The following DNAH8 variants were observed in gnomAD, a reference collection of about 807,000 sequenced individuals.
The protein encoded by DNAH8 is axonemal beta dynein heavy chain 8.
DNAH8 carries 382 observed loss-of-function variants against 562.1 expected under a neutral mutation model. That is an observed-to-expected ratio of 0.68 (90% CI 0.63 to 0.74). The LOEUF (loss-of-function observed/expected upper bound fraction) is 0.74, where lower values mean the gene tolerates loss of function less well. Among genes scored for constraint, DNAH8 ranks in the 30% least tolerant of loss-of-function variants. The pLI is 0.00. For missense variants in DNAH8, 5,203 were observed against 5,620.4 expected (o/e 0.93, Z 2.37); for synonymous variants, 1,881 against 1,919.4 (o/e 0.98, Z 0.52).
At chr6:39,028,657 A>G (rs1296026358) in intron 92 of DNAH8, among the ~76,000 whole-genome samples, 6 of 152,218 alleles carry the variant, frequency 3.9e-5, no homozygotes, top group Admixed American at 2.6e-4. Context: ...GGGTGACACT[A>G]TTCTATCTAC....
chr6:39,019,495 T>C (rs929944184), intron 91 of DNAH8, among the ~76,000 whole-genome samples: 1 of 152,132 alleles, frequency 6.6e-6, no homozygotes, highest in East Asian at 1.9e-4. Flanking sequence ...ATAAGTGGCC[T>C]TGAGAATTCT....
At chr6:39,014,699 T>C (rs1458900169) in intron 91 of DNAH8, among the ~76,000 whole-genome samples, 3 of 152,258 alleles carry the variant, frequency 2.0e-5, no homozygotes, top group East Asian at 1.9e-4. Flanking sequence ...GCGGGTGCTT[T>C]CCAGGTAGAG....
intron 88 of DNAH8, among the ~76,000 whole-genome samples, chr6:38,999,002 T>C (rs1222621794): frequency 6.6e-6 from 1 of 152,180 alleles, no homozygotes; most frequent in South Asian, 2.1e-4. Context: ...GAAAAAGAAA[T>C]GTGAGTTGTT....
intron 82 of DNAH8, among the ~76,000 whole-genome samples, chr6:38,970,217 C>CT (rs2150686341): frequency 6.6e-6 from 1 of 152,286 alleles, no homozygotes; most frequent in East Asian, 1.9e-4. Context: ...GAGCCTATCA[C>CT]TTTCCCTCAT....
rs1221945637 is a variant in DNAH8, at chr6:38,853,166, T to C, written c.5572-20T>C. ...GCCAAATTATTATCAATTTATAATA[T>C]CCTTGTAATTTTGTTTTAGTTGGAT... On this transcript the variant is annotated intron_variant, in intron 40 of 92. Transcript: ENST00000327475. 1 of 1,580,852 alleles carries C rather than the reference T, an allele frequency of 6.3e-7. No homozygotes were observed. The highest frequency in any genetic ancestry group is 8.6e-7 in the Non-Finnish European group (1 of 1,164,046).
At chr6:38,982,597 A>G (rs779310620) in intron 86 of DNAH8, 135 bp downstream of exon 86, 123 of 595,642 alleles carry the variant, frequency 2.1e-4, no homozygotes, top group Non-Finnish European at 3.2e-4. Context: ...TTGTTGCTGT[A>G]ATCAGGCACT....
At chr6:38,967,373 C>T (rs529520547) in intron 82 of DNAH8, among the ~76,000 whole-genome samples, 114 of 151,208 alleles carry the variant, frequency 7.5e-4, no homozygotes, top group African/African-American at 2.7e-3. Context: ...TGAATTTGTG[C>T]ATAAAAAATT....
intron 88 of DNAH8, among the ~76,000 whole-genome samples, chr6:39,008,395 A>T (rs981482430): frequency 1.3e-5 from 2 of 152,150 alleles, no homozygotes; most frequent in Non-Finnish European, 2.9e-5. Context: ...TCAGTGAGGA[A>T]ATATGAATGT....
At chr6:38,718,086 T>A (rs1003973993) in intron 1 of DNAH8, among the ~76,000 whole-genome samples, 1 of 152,190 alleles carries the variant, frequency 6.6e-6, no homozygotes, top group Non-Finnish European at 1.5e-5. Context: ...TCGCTAATGA[T>A]GCATTAAAAT....
intron 49 of DNAH8, among the ~76,000 whole-genome samples, chr6:38,871,249 G>A (rs1777447636): frequency 6.6e-6 from 1 of 152,136 alleles, no homozygotes; most frequent in Admixed American, 6.6e-5. Flanking sequence ...TTAACTTACT[G>A]TTCTTGCCAG....
chr6:38,993,494 G>A (rs1764928975), intron 88 of DNAH8, among the ~76,000 whole-genome samples: 1 of 152,070 alleles, frequency 6.6e-6, no homozygotes, highest in Non-Finnish European at 1.5e-5. Flanking sequence ...TATGAACATG[G>A]TTCAAAAGTT....
intron 91 of DNAH8, among the ~76,000 whole-genome samples, chr6:39,021,814 T>G (rs1766934809): frequency 6.6e-6 from 1 of 152,254 alleles, no homozygotes; most frequent in South Asian, 2.1e-4. Flanking sequence ...ATGTTGCTTA[T>G]TTTTAGTGTA....
chr6:38,817,377 C>G (rs1391340453), intron 26 of DNAH8, among the ~76,000 whole-genome samples: 1 of 152,140 alleles, frequency 6.6e-6, no homozygotes, highest in African/African-American at 2.4e-5. Context: ...CCCAAGATAC[C>G]AGGTAAGCTA....
chr6:38,869,408 C>T (rs1245750285), intron 48 of DNAH8, among the ~76,000 whole-genome samples: 1 of 152,082 alleles, frequency 6.6e-6, no homozygotes, highest in Admixed American at 6.5e-5. Flanking sequence ...CCCTAAGTCA[C>T]CCAGGCTGGA....
intron 5 of DNAH8, among the ~76,000 whole-genome samples, chr6:38,736,235 G>A (rs895344583): frequency 1.3e-5 from 2 of 152,016 alleles, no homozygotes; most frequent in Admixed American, 6.6e-5. Flanking sequence ...TTCTTCCAAC[G>A]TAGTTATATT....
intron 48 of DNAH8, among the ~76,000 whole-genome samples, chr6:38,870,121 C>G (rs1777354961): frequency 1.3e-5 from 2 of 152,090 alleles, no homozygotes; most frequent in Admixed American, 6.5e-5. Flanking sequence ...ATAAGAACAG[C>G]AGGGAAAGAC....
intron 1 of DNAH8, 87 bp from the exon 2 acceptor site, chr6:38,722,689 G>C (rs1486302195): frequency 4.6e-6 from 5 of 1,095,164 alleles, no homozygotes; most frequent in African/African-American, 1.6e-5. Context: ...TAATGATTTT[G>C]CTACTTGTCT....
intron 67 of DNAH8, among the ~76,000 whole-genome samples, chr6:38,914,364 A>G (rs1781130836): frequency 7.0e-6 from 1 of 143,138 alleles, no homozygotes; most frequent in South Asian, 2.3e-4. Flanking sequence ...TCTCAAGGAG[A>G]TAGGTATATA....
At chr6:38,789,712 T>C in intron 18 of DNAH8, 91 bp from the exon 19 acceptor site, 1 of 895,208 alleles carries the variant, frequency 1.1e-6, no homozygotes, top group South Asian at 1.7e-5. Context: ...ACGAGGAAAC[T>C]GGGATTATGA....
Sources: allele counts gnomAD v4.1 joint callset (sites outside exome capture counted in the v4.1 genomes callset), GRCh38; gene constraint gnomAD v4.1.1; transcripts MANE v1.5; gene names NCBI Gene and HGNC (gene_info 2026-07-23, HGNC 2026-07-21).